The following SYTL2 variants were observed in gnomAD, a reference collection of about 807,000 sequenced individuals.
SYTL2 encodes the protein synaptotagmin like 2.
In SYTL2, 165 loss-of-function variants were observed where a neutral mutation model predicts 198.7. That is an observed-to-expected ratio of 0.83 (90% CI 0.73 to 0.94). The LOEUF (loss-of-function observed/expected upper bound fraction) is 0.94, where lower values mean the gene tolerates loss of function less well. Among genes scored for constraint, SYTL2 ranks in the 40% least tolerant of loss-of-function variants. The pLI, the probability that SYTL2 is intolerant of heterozygous loss-of-function variation, is 0.00. For missense variants in SYTL2, 2,835 were observed against 2,582.8 expected, an observed-to-expected ratio of 1.10 and a Z score of -2.12; for synonymous variants, 966 against 917.7, an observed-to-expected ratio of 1.05 and a Z score of -0.95.
chr11:85,719,919 T>C (rs796413022), intron 9 of SYTL2, among the ~76,000 whole-genome samples: 2 of 152,314 alleles, frequency 1.3e-5, no homozygotes, highest in Admixed American at 6.5e-5. Flanking sequence ...TTTTCAATCA[T>C]ATGAGTTTGG....
intron 1 of SYTL2, among the ~76,000 whole-genome samples, chr11:85,805,386 C>T (rs956471723): frequency 4.0e-5 from 6 of 151,738 alleles, no homozygotes; most frequent in African/African-American, 1.5e-4. Context: ...AACTCAAATG[C>T]TAGTCTAAAA....
In SYTL2 at chr11:85,734,451, T is replaced by C. The variant is rs2090139215; in HGVS notation, c.878A>G (p.Asn293Ser). 1 of 1,614,190 alleles carries C rather than the reference T, an allele frequency of 6.2e-7. No individual in the cohort carries two copies. Among genetic ancestry groups the C allele is most frequent in the African/African-American group, 1.3e-5 (1 of 75,052 alleles). Residue 293 changes from asparagine to serine, a missense_variant, in exon 7 of 20, where the codon AAC becomes AGC. Coordinates refer to ENST00000359152, the MANE Select transcript of SYTL2 (RefSeq NM_206927.4). ...CACAATTTTGCTTTTGGGTTCAAAG[T>C]TGTGATTATAACGAAGGGTTTCTGA... ...TDSETLRYNH[N>S]FEPKSKIVSP...
At chr11:85,759,601 A>C (rs1015095462) in intron 1 of SYTL2, among the ~76,000 whole-genome samples, 7 of 152,318 alleles carry the variant, frequency 4.6e-5, no homozygotes, top group African/African-American at 1.7e-4. Flanking sequence ...CAGCTGAATA[A>C]GACTATACTT....
At chr11:85,852,335 A>G in the SYTL2 span, among the ~76,000 whole-genome samples, 1 of 152,168 alleles carries the variant, frequency 6.6e-6, no homozygotes, top group African/African-American at 2.4e-5. Flanking sequence ...CCTAGGATGT[A>G]AAAGAAAGTT....
Position 85,756,645 on chromosome 11 carries a change from G to A in SYTL2, c.101+980C>T, listed in dbSNP as rs1489284998. Among the ~76,000 whole-genome samples the A allele has an allele frequency of 3.3e-5, 5 of 152,070 alleles. 1 individual carries two copies. The South Asian group carries it at 1.0e-3, about 32-fold the overall frequency. On this transcript the variant is annotated intron_variant, in intron 2 of 19. Transcript: ENST00000359152. ...TATGTGAGCTCATAAAAAATAATGG[G>A]CATGTTAAGCCCTTTGCAACTTGTT...
the SYTL2 span, among the ~76,000 whole-genome samples, chr11:85,848,168 A>C: frequency 6.6e-6 from 1 of 151,998 alleles, no homozygotes; most frequent in South Asian, 2.1e-4. Context: ...TAAGCTTGAG[A>C]GTTTGAGGCT....
chr11:85,826,784 A>C, the SYTL2 span, among the ~76,000 whole-genome samples: 1 of 152,232 alleles, frequency 6.6e-6, no homozygotes, highest in African/African-American at 2.4e-5. Context: ...GGGACTCAGC[A>C]TCACAACATA....
chr11:85,832,011 A>G, the SYTL2 span, among the ~76,000 whole-genome samples: 1 of 151,966 alleles, frequency 6.6e-6, no homozygotes, highest in South Asian at 2.1e-4. Flanking sequence ...TAATTCATTA[A>G]TTATTATCTT....
At chr11:85,736,257 C>T (rs1458630620) in intron 6 of SYTL2, among the ~76,000 whole-genome samples, 1 of 152,158 alleles carries the variant, frequency 6.6e-6, no homozygotes, top group Non-Finnish European at 1.5e-5. Context: ...TGAGGGAATC[C>T]AAGACACAAT....
At chr11:85,786,853 T>G (rs1470497261) in intron 1 of SYTL2, among the ~76,000 whole-genome samples, 1 of 152,188 alleles carries the variant, frequency 6.6e-6, no homozygotes. Context: ...AAGTAAGCAT[T>G]CTTACTTACC....
In SYTL2 at chr11:85,700,564, G is replaced by A. The variant is rs756638691; in HGVS notation, c.6219C>T (p.Asn2073=). 3.1e-6 allele frequency: 5 copies of A among 1,614,012 alleles called. No individual in the cohort carries two copies. Among genetic ancestry groups the A allele is most frequent in the Non-Finnish European group, 4.2e-6 (5 of 1,179,914 alleles). ...KTAPVALEAE[N]RGEMKLALQY... ...GGAGAGCTAGTTTCATTTCACCTCT[G>A]TTTTCTGCTTCAAGGGCAACTGGTG... is the stretch of plus-strand genomic sequence containing the variant. The change falls in exon 17 of 20, where the codon AAC becomes AAT. Residue 2073 remains asparagine (N), a synonymous_variant. Transcript: ENST00000359152.
At chr11:85,789,293 A>ATATT (rs1157375475) in intron 1 of SYTL2, among the ~76,000 whole-genome samples, 1 of 136,306 alleles carries the variant, frequency 7.3e-6, no homozygotes, top group African/African-American at 2.7e-5. Context: ...ATATATATAT[A>ATATT]TATTTATTTA....
chr11:85,778,507 CAG>C (rs2092499492), intron 1 of SYTL2, among the ~76,000 whole-genome samples: 1 of 152,270 alleles, frequency 6.6e-6, no homozygotes, highest in Non-Finnish European at 1.5e-5. Flanking sequence ...AGTTAGAAAG[CAG>C]AACCAGTTCT....
chr11:85,846,876 A>C, the SYTL2 span, among the ~76,000 whole-genome samples: 2 of 150,544 alleles, frequency 1.3e-5, no homozygotes, highest in African/African-American at 4.9e-5. Flanking sequence ...TGGGATTTAC[A>C]GGCATGCACC....
chr11:85,852,927 A>C, the SYTL2 span: 1 of 286,492 alleles, frequency 3.5e-6, no homozygotes, highest in Non-Finnish European at 6.8e-6. Context: ...CTGGGAGGTG[A>C]GGAGCGTCTC....
chr11:85,704,921 C>T lies in SYTL2; in HGVS notation c.6126G>A (p.Leu2042=). 1.2e-6 allele frequency: 2 copies of T among 1,613,736 alleles called. No individual in the cohort carries two copies. Among genetic ancestry groups the T allele is most frequent in the Non-Finnish European group, 1.7e-6 (2 of 1,179,752 alleles). Residue 2042 remains leucine (L), a synonymous_variant, in exon 16 of 20, where the codon TTG becomes TTA. Transcript: ENST00000359152. ...GTTTGTTATCCCAGTCCCATGTTTC[C>T]AAATCAAGTTCCACCTCCCCTAGGA... The part of the protein sequence containing the change: ...NSFLGEVELD[L]ETWDWDNKQN...
chr11:85,726,489 C>G lies in SYTL2; in HGVS notation c.2869G>C (p.Ala957Pro), dbSNP rs946595115. The G allele has an allele frequency of 4.4e-6, 7 of 1,609,154 alleles. No individual in the cohort carries two copies. In the African/African-American group the frequency reaches 9.3e-5, roughly 21 times the overall value. ...KDRPLVRESN[A>P]NFKVMSLKER... ...TTTAGGGACATAACTTTAAAGTTGG[C>G]ATTTGATTCACGAACTAGAGGTCTG... The change falls in exon 8 of 20, where the codon GCC becomes CCC. Residue 957 changes from alanine to proline, a missense_variant. By Grantham distance (27) the Ala-to-Pro change is conservative (BLOSUM62 -1). Coordinates refer to ENST00000359152, the MANE Select transcript of SYTL2 (RefSeq NM_206927.4).
At chr11:85,761,602 C>T (rs1001256145) in intron 1 of SYTL2, among the ~76,000 whole-genome samples, 2 of 152,190 alleles carry the variant, frequency 1.3e-5, no homozygotes, top group South Asian at 4.1e-4. Flanking sequence ...TACTTGGTCC[C>T]TTCTACACAT....
intron 1 of SYTL2, among the ~76,000 whole-genome samples, chr11:85,801,180 A>G (rs2092881493): frequency 6.6e-6 from 1 of 152,234 alleles, no homozygotes; most frequent in Non-Finnish European, 1.5e-5. Flanking sequence ...AGTGCATGCT[A>G]AGCACAAGAA....
Sources: allele counts gnomAD v4.1 joint callset (sites outside exome capture counted in the v4.1 genomes callset), GRCh38; gene constraint gnomAD v4.1.1; transcripts MANE v1.5; gene names NCBI Gene and HGNC (gene_info 2026-07-23, HGNC 2026-07-21).